The following EPN3 variants were observed in gnomAD, a reference collection of about 807,000 sequenced individuals.
EPN3 encodes the protein epsin 3.
EPN3 carries 56 observed loss-of-function variants against 55.5 expected under a neutral mutation model. The ratio of observed to expected loss-of-function variants is 1.01; its 90% CI spans 0.81 to 1.26. The LOEUF is 1.26. Among genes scored for constraint, EPN3 ranks in the 50% most tolerant of loss-of-function variants. The pLI, the probability that EPN3 is intolerant of heterozygous loss-of-function variation, is 0.00. For missense variants in EPN3, 927 were observed against 853.4 expected, an observed-to-expected ratio of 1.09 and a Z score of -1.07; for synonymous variants, 449 against 375.2, an observed-to-expected ratio of 1.20 and a Z score of -2.27.
Position 50,541,521 on chromosome 17 carries a change from C to T in EPN3, c.1412C>T (p.Pro471Leu). ...PSSKQNGTKE[P>L]DALDLGILGE... The stretch of plus-strand genomic sequence containing the variant: ...TCCAAGCAAAATGGCACGAAGGAGC[C>T]AGATGCCCTGGACCTGGGCATACTA... Residue 471 changes from proline to leucine, a missense_variant, in exon 9 of 10, where the codon CCA becomes CTA. Coordinates refer to ENST00000268933, the MANE Select transcript of EPN3 (RefSeq NM_017957.3). 1 of 1,614,182 alleles carries T rather than the reference C, an allele frequency of 6.2e-7. No homozygotes were observed. The highest frequency in any genetic ancestry group is 8.5e-7 in the Non-Finnish European group (1 of 1,180,036).
intron 9 of EPN3, 34 bp from the exon 10 acceptor site, chr17:50,541,810 C>A: frequency 1.2e-6 from 2 of 1,610,362 alleles, no homozygotes; most frequent in Non-Finnish European, 8.5e-7. Context: ...GGGCTCTGAA[C>A]CCCGGGTCAC....
Position 50,541,565 on chromosome 17 carries a change from C to T in EPN3, c.1456C>T (p.Pro486Ser). The change falls in exon 9 of 10, where the codon CCA becomes TCA. Residue 486 changes from proline to serine, a missense_variant. Coordinates refer to ENST00000268933, the MANE Select transcript of EPN3 (RefSeq NM_017957.3). ...CATACTAGGGGAAGCACTAACCCAG[C>T]CAAGCAAAGAGGCCCGAGCTTGCCG... ...LGILGEALTQPSKEARACRTP... is the reference protein window; with the variant it reads ...LGILGEALTQSSKEARACRTP... The T allele has an allele frequency of 6.2e-7, 1 of 1,614,234 alleles. No homozygotes were observed. Among genetic ancestry groups the T allele is most frequent in the South Asian group, 1.1e-5 (1 of 91,086 alleles).
chr17:50,538,749 T>G (rs1159833841), intron 3 of EPN3, 135 bp from the exon 4 acceptor site: 4 of 595,014 alleles, frequency 6.7e-6, no homozygotes, highest in Non-Finnish European at 1.1e-5. Context: ...CCCTGCTGAC[T>G]GAGCGGCAAA....
intron 1 of EPN3, 33 bp downstream of exon 1, chr17:50,533,018 T>A: frequency 8.1e-7 from 1 of 1,241,746 alleles, no homozygotes; most frequent in Non-Finnish European, 1.1e-6. Context: ...TCCCTGGCAG[T>A]GGCGGCATGG....
At chr17:50,534,425 G>A (rs1045874984) in intron 1 of EPN3, 32 of 985,564 alleles carry the variant, frequency 3.2e-5, no homozygotes, top group South Asian at 4.7e-5. Context: ...CACAGTGCCC[G>A]ACTGGTTCTG....
intron 1 of EPN3, among the ~76,000 whole-genome samples, chr17:50,533,304 G>A (rs2034703250): frequency 6.6e-6 from 1 of 152,052 alleles, no homozygotes; most frequent in Non-Finnish European, 1.5e-5. Context: ...CACACCTCTA[G>A]CCTCAGGGCA....
At chr17:50,534,575 G>T in intron 1 of EPN3, 1 of 985,510 alleles carries the variant, frequency 1.0e-6, no homozygotes, top group African/African-American at 1.7e-5. Context: ...GGGAGGGCAG[G>T]AGTTAAACAA....
intron 1 of EPN3, among the ~76,000 whole-genome samples, chr17:50,533,669 G>A (rs1464265253): frequency 6.6e-6 from 1 of 152,158 alleles, no homozygotes; most frequent in African/African-American, 2.4e-5. Context: ...TGCAGGCCCT[G>A]AGAAGAGCAG....
Position 50,540,842 on chromosome 17 carries a change from A to G in EPN3, c.1029A>G (p.Ala343=). 6.2e-7 allele frequency: 1 copy of G among 1,614,036 alleles called. No individual in the cohort carries two copies. The highest frequency in any genetic ancestry group is 8.5e-7 in the Non-Finnish European group (1 of 1,179,946). ...EASGSSWGPS[A]DPWSPIPSGT... is the part of the protein sequence containing the mutation. Reference sequence around the variant, plus strand: ...GTGGATCCTCCTGGGGGCCTTCTGCAGACCCCTGGTCTCCGATCCCCTCAG... The same window carrying G: ...GTGGATCCTCCTGGGGGCCTTCTGCGGACCCCTGGTCTCCGATCCCCTCAG... Residue 343 remains alanine (A), a synonymous_variant, in exon 7 of 10, where the codon GCA becomes GCG. Transcript: ENST00000268933.
chr17:50,536,390 G>T, intron 1 of EPN3, 31 bp from the exon 2 acceptor site: 1 of 1,450,156 alleles, frequency 6.9e-7, no homozygotes, highest in Non-Finnish European at 9.0e-7. Context: ...GTAGGCCTCT[G>T]CCCCTGAGTT....
In EPN3 at chr17:50,532,938, C is replaced by A; in HGVS notation, c.-184C>A. ...TGCTGCACAGGTCGGAGGGTCACCGCAGAGGCTACTCGGGCTGGGGCTGGG... is the reference window on the plus strand; with the variant it reads ...TGCTGCACAGGTCGGAGGGTCACCGAAGAGGCTACTCGGGCTGGGGCTGGG... On this transcript the variant is annotated 5_prime_UTR_variant, in exon 1 of 10. Transcript: ENST00000268933. 7.8e-7 allele frequency: 1 copy of A among 1,286,272 alleles called. No homozygotes were observed. 79.7% of individuals were successfully genotyped at this position (1,286,272 alleles called of 1,614,324 possible).
intron 5 of EPN3, among the ~76,000 whole-genome samples, chr17:50,539,799 C>T (rs994873636): frequency 1.4e-4 from 21 of 152,222 alleles, no homozygotes; most frequent in Admixed American, 3.9e-4. Flanking sequence ...GTCCATGCCA[C>T]GCCCGGGTGC....
At chr17:50,534,270 T>C (rs2034726283) in intron 1 of EPN3, among the ~76,000 whole-genome samples, 1 of 152,072 alleles carries the variant, frequency 6.6e-6, no homozygotes, top group South Asian at 2.1e-4. Flanking sequence ...TGCAGGGGTG[T>C]GCAGAGAATG....
At position 50,541,027 on chromosome 17, in the gene EPN3, C is replaced by T; in HGVS notation, c.1214C>T (p.Pro405Leu). Reference protein sequence around the residue: ...HHKLPSTGADPWGASLETSDT... With the variant: ...HHKLPSTGADLWGASLETSDT... Reference sequence around the variant, plus strand: ...AAACTCCCCAGCACTGGGGCTGACCCTTGGGGAGCCTCCCTGGAGACCTCC... The same window carrying T: ...AAACTCCCCAGCACTGGGGCTGACCTTTGGGGAGCCTCCCTGGAGACCTCC... The change falls in exon 7 of 10, where the codon CCT becomes CTT. Residue 405 changes from proline (P) to leucine (L), a missense_variant. Coordinates refer to ENST00000268933, the MANE Select transcript of EPN3 (RefSeq NM_017957.3). The T allele has an allele frequency of 6.3e-7, 1 of 1,594,252 alleles. No homozygotes were observed. Among genetic ancestry groups the T allele is most frequent in the Non-Finnish European group, 8.5e-7 (1 of 1,170,182 alleles).
At position 50,542,332 on chromosome 17, in the gene EPN3, A is replaced by C; in HGVS notation, c.*175A>C. 8.3e-6 allele frequency: 5 copies of C among 599,734 alleles called. No individual in the cohort carries two copies. 37.2% of individuals were successfully genotyped at this position (599,734 alleles called of 1,614,324 possible). ...ACCACGGCCCGGGAGCTAGAAACTG[A>C]ACGCCCGCATAATAAAGACTGGAAC... is the stretch of plus-strand genomic sequence containing the variant. On this transcript the variant is annotated 3_prime_UTR_variant, in exon 10 of 10. Coordinates refer to ENST00000268933, the MANE Select transcript of EPN3 (RefSeq NM_017957.3).
At chr17:50,541,205 T>A in intron 7 of EPN3, 24 bp from the exon 8 acceptor site, 1 of 1,613,162 alleles carries the variant, frequency 6.2e-7, no homozygotes, top group Non-Finnish European at 8.5e-7. Context: ...TCAACCCATC[T>A]CCTCTTCCTC....
chr17:50,534,446 C>T (rs899163452), intron 1 of EPN3: 14 of 985,506 alleles, frequency 1.4e-5, no homozygotes, highest in African/African-American at 7.0e-5. Context: ...CTAGTTCCAG[C>T]GGCCAGCCGG....
chr17:50,534,839 A>C (rs1369778354), intron 1 of EPN3, among the ~76,000 whole-genome samples: 1 of 152,180 alleles, frequency 6.6e-6, no homozygotes, highest in Non-Finnish European at 1.5e-5. Context: ...AGTCTCCTTC[A>C]GATTCCTGCT....
At chr17:50,535,670 C>T (rs1426205816) in intron 1 of EPN3, among the ~76,000 whole-genome samples, 1 of 152,200 alleles carries the variant, frequency 6.6e-6, no homozygotes, top group East Asian at 1.9e-4. Context: ...CACTCCCACA[C>T]TGGACTGTGA....
Sources: gnomAD v4.1 joint callset for allele counts (sites outside exome capture counted in the v4.1 genomes callset) on GRCh38, gnomAD v4.1.1 for gene constraint, MANE v1.5 for transcripts, NCBI Gene and HGNC (gene_info 2026-07-23, HGNC 2026-07-21) for gene names.